TUSC3: variants seen among roughly 807,000 people sequenced by gnomAD.
TUSC3 encodes tumor suppressor candidate 3.
TUSC3 carries 45 observed loss-of-function variants against 44.8 expected under a neutral mutation model. The ratio of observed to expected loss-of-function variants is 1.00; its 90% CI spans 0.79 to 1.29. The LOEUF (loss-of-function observed/expected upper bound fraction) is 1.29, where lower values mean the gene tolerates loss of function less well. Ranked by LOEUF, TUSC3 falls within the 50% of genes most tolerant of loss-of-function variation. The probability of loss-of-function intolerance (pLI) is 0.00; values close to 1 mark genes in which losing one functional copy is unlikely to be tolerated. For synonymous variants in TUSC3, 212 were observed against 152.9 expected (o/e 1.39, Z -2.85); for missense variants, 519 against 437.9 (o/e 1.19, Z -1.65).
the TUSC3 span, among the ~76,000 whole-genome samples, chr8:15,784,277 A>T: frequency 6.6e-6 from 1 of 152,156 alleles, no homozygotes; most frequent in Non-Finnish European, 1.5e-5. Flanking sequence ...CATTTTAGAA[A>T]ACAATGTGAA....
At chr8:15,797,162 C>T in the TUSC3 span, among the ~76,000 whole-genome samples, 1 of 152,132 alleles carries the variant, frequency 6.6e-6, no homozygotes, top group African/African-American at 2.4e-5. Flanking sequence ...TGGAGTTAAG[C>T]CTGTGAGTTC....
intron 2 of TUSC3, among the ~76,000 whole-genome samples, chr8:15,634,713 A>T (rs920858964): frequency 6.6e-6 from 1 of 152,122 alleles, no homozygotes; most frequent in Non-Finnish European, 1.5e-5. Flanking sequence ...ACCTCCTAGG[A>T]TCTGTATTTT....
chr8:15,499,096 C>T (rs1470501913), intron 2 of TUSC3, among the ~76,000 whole-genome samples: 1 of 152,012 alleles, frequency 6.6e-6, no homozygotes, highest in Non-Finnish European at 1.5e-5. Context: ...ACTCCATCAC[C>T]CACTACTTTT....
chr8:15,786,112 A>C, the TUSC3 span, among the ~76,000 whole-genome samples: 9,363 of 152,210 alleles, frequency 0.062, 411 homozygotes, highest in African/African-American at 0.13. Context: ...AAACCTTTTA[A>C]ATGTAAAAGA....
the TUSC3 span, among the ~76,000 whole-genome samples, chr8:15,805,227 T>C: frequency 6.6e-6 from 1 of 152,132 alleles, no homozygotes; most frequent in Admixed American, 6.6e-5. Flanking sequence ...CCAGGAGTCT[T>C]TCGGTGGAGT....
chr8:15,578,910 C>T (rs1161001998), intron 1 of TUSC3, among the ~76,000 whole-genome samples: 3 of 152,064 alleles, frequency 2.0e-5, no homozygotes, highest in South Asian at 4.2e-4. Flanking sequence ...CCTCCTTGTA[C>T]CTCTGGTAGA....
the TUSC3 span, among the ~76,000 whole-genome samples, chr8:15,847,280 A>G: frequency 6.6e-6 from 1 of 152,196 alleles, no homozygotes; most frequent in Non-Finnish European, 1.5e-5. Context: ...TTCTGCATTA[A>G]AGAAAAATGA....
intron 1 of TUSC3, among the ~76,000 whole-genome samples, chr8:15,617,120 A>ATGTGTG (rs143444660): frequency 3.1e-4 from 38 of 123,738 alleles, no homozygotes; most frequent in Admixed American, 2.5e-4. Context: ...TATCTGTAAA[A>ATGTGTG]TGTGTGTGTG....
chr8:15,608,013 C>T (rs1804607964), intron 1 of TUSC3, among the ~76,000 whole-genome samples: 1 of 152,108 alleles, frequency 6.6e-6, no homozygotes, highest in South Asian at 2.1e-4. Flanking sequence ...TTTGGGGTTT[C>T]CTTAGCAAAC....
At chr8:15,768,422 G>C (rs186704465), downstream of TUSC3, among the ~76,000 whole-genome samples, 1 of 152,114 alleles carries the variant, frequency 6.6e-6, no homozygotes, top group African/African-American at 2.4e-5. Context: ...CATATGAAGA[G>C]ACAAGAAAGT....
At chr8:15,759,511 C>G (rs1467725366) in intron 10 of TUSC3, among the ~76,000 whole-genome samples, 1 of 151,938 alleles carries the variant, frequency 6.6e-6, no homozygotes, top group Non-Finnish European at 1.5e-5. Context: ...AAACAGCAAG[C>G]CATTATTTGC....
In TUSC3 at chr8:15,419,342, T is replaced by C. The variant is rs558529310; in HGVS notation, n.91+2037T>C. On this transcript the variant is annotated intron_variant and non_coding_transcript_variant, in intron 1 of 5. Coordinates refer to the TUSC3 transcript ENST00000503191. ...TGCAGTACTTCAGCTGTTGCATAAC[T>C]TTCCGTGCAATCAATGTCTAGAAAG... is the stretch of plus-strand genomic sequence containing the variant. Among the ~76,000 whole-genome samples the C allele has an allele frequency of 2.0e-5, 3 of 152,364 alleles. No individual in the cohort carries two copies. The East Asian group carries it at 5.8e-4, about 29-fold the overall frequency.
At chr8:15,569,032 C>G (rs1229276889) in intron 1 of TUSC3, among the ~76,000 whole-genome samples, 2 of 151,948 alleles carry the variant, frequency 1.3e-5, no homozygotes, top group Admixed American at 6.6e-5. Flanking sequence ...GATAGTTTTG[C>G]TAAGTCATTA....
chr8:15,491,687 G>C (rs2129125874), intron 2 of TUSC3, among the ~76,000 whole-genome samples: 1 of 152,282 alleles, frequency 6.6e-6, no homozygotes, highest in Admixed American at 6.5e-5. Flanking sequence ...AGAGGCTGGA[G>C]AAACTAAGGC....
intron 6 of TUSC3, among the ~76,000 whole-genome samples, chr8:15,681,457 C>A (rs1172160644): frequency 6.6e-6 from 1 of 151,716 alleles, no homozygotes; most frequent in Non-Finnish European, 1.5e-5. Context: ...AGTTTTTGTG[C>A]AACAAGGTAT....
the TUSC3 span, among the ~76,000 whole-genome samples, chr8:15,842,067 G>A: frequency 0.031 from 4,698 of 152,146 alleles, 219 homozygotes; most frequent in African/African-American, 0.098. Flanking sequence ...TGTTACCCAC[G>A]TTTCTTATTC....
intron 9 of TUSC3, among the ~76,000 whole-genome samples, chr8:15,750,003 G>T (rs775820057): frequency 6.9e-6 from 1 of 144,582 alleles, no homozygotes. Flanking sequence ...TTTTTGAAAC[G>T]GAGTCTTGCT....
intron 1 of TUSC3, among the ~76,000 whole-genome samples, chr8:15,568,463 A>C (rs147034808): frequency 6.6e-6 from 1 of 152,196 alleles, no homozygotes; most frequent in Non-Finnish European, 1.5e-5. Context: ...ATATGAACTT[A>C]TAAAGTCCAT....
chr8:15,459,586 C>A (rs776740525), intron 1 of TUSC3, among the ~76,000 whole-genome samples: 6 of 152,004 alleles, frequency 3.9e-5, no homozygotes, highest in Admixed American at 3.9e-4. Context: ...GTATACACTG[C>A]ACCCTATTTG....
Sources: allele counts gnomAD v4.1 joint callset (sites outside exome capture counted in the v4.1 genomes callset), GRCh38; gene constraint gnomAD v4.1.1; transcripts MANE v1.5; gene names NCBI Gene and HGNC (gene_info 2026-07-23, HGNC 2026-07-21).